Variants in MACF1 observed in about 807,000 individuals in gnomAD.
The protein encoded by MACF1 is microtubule-actin cross-linking factor 1.
A neutral mutation model predicts 854.8 loss-of-function variants in MACF1; 193 were observed. That is an observed-to-expected ratio of 0.23 (90% CI 0.20 to 0.25). The LOEUF (loss-of-function observed/expected upper bound fraction) is 0.25, where lower values mean the gene tolerates loss of function less well. Ranked by LOEUF, MACF1 falls within the 10% of genes least tolerant of loss-of-function variation. The probability of loss-of-function intolerance (pLI) is 1.00; values close to 1 mark genes in which losing one functional copy is unlikely to be tolerated. For missense variants in MACF1, 7,722 were observed against 8,929.1 expected (o/e 0.86, Z 5.45); for synonymous variants, 3,185 against 3,226.7 (o/e 0.99, Z 0.44).
intron 2 of MACF1, among the ~76,000 whole-genome samples, chr1:39,198,725 T>C (rs1429001709): frequency 6.6e-6 from 1 of 150,654 alleles, no homozygotes; most frequent in Non-Finnish European, 1.5e-5. Context: ...CTGGGGAGGC[T>C]GAGGCAGGAG....
At chr1:39,210,255 A>G (rs775320370) in intron 1 of MACF1, among the ~76,000 whole-genome samples, 2 of 152,208 alleles carry the variant, frequency 1.3e-5, no homozygotes, top group African/African-American at 4.8e-5. Flanking sequence ...AGTTAAGTGC[A>G]TAAAAGGAAC....
At chr1:39,355,526 G>A (rs1174238034) in intron 44 of MACF1, among the ~76,000 whole-genome samples, 2 of 136,606 alleles carry the variant, frequency 1.5e-5, no homozygotes, top group Non-Finnish European at 3.0e-5. Context: ...GAGTGCAGTG[G>A]CACAATCTCG....
chr1:39,459,062 T>C (rs1440353642), intron 90 of MACF1, 24 bp from the exon 91 acceptor site: 3 of 1,600,422 alleles, frequency 1.9e-6, no homozygotes, highest in African/African-American at 1.3e-5. Flanking sequence ...GCTGTTCTAA[T>C]CTTGTGATTA....
chr1:39,396,462 G>A (rs1029132698), intron 58 of MACF1, among the ~76,000 whole-genome samples: 1 of 152,138 alleles, frequency 6.6e-6, no homozygotes, highest in African/African-American at 2.4e-5. Flanking sequence ...TGTATAAGAA[G>A]GAAGAAATAT....
At chr1:39,215,810 TG>T (rs1379916405) in intron 1 of MACF1, among the ~76,000 whole-genome samples, 1 of 136,076 alleles carries the variant, frequency 7.3e-6, no homozygotes, top group African/African-American at 2.7e-5. Context: ...GGCGGGAGGA[TG>T]GGGGGTGGGA....
chr1:39,141,003 A>G (rs1428988039), intron 2 of MACF1, among the ~76,000 whole-genome samples: 1 of 151,244 alleles, frequency 6.6e-6, no homozygotes, highest in Non-Finnish European at 1.5e-5. Context: ...CTTAGAACCT[A>G]TCTCCATTTT....
chr1:39,147,625 T>C (rs987467806), intron 2 of MACF1, among the ~76,000 whole-genome samples: 9 of 152,010 alleles, frequency 5.9e-5, no homozygotes, highest in Admixed American at 5.9e-4. Flanking sequence ...GCTCAAGCTC[T>C]CCTCCTGCCT....
rs79338085 is a variant in MACF1 at position 39,392,591 on chromosome 1, A to T, written c.15816+3933A>T. ...AGAGGATATGAATCTGGGAGACGGA[A>T]ACTCTGCTTTAACCCAGCTAACTCC... On this transcript the variant is annotated intron_variant, in intron 58 of 100. Transcript: ENST00000564288. Among the ~76,000 whole-genome samples the T allele has an allele frequency of 3.6e-3, 542 of 152,290 alleles. 1 individual carries two copies. The highest frequency in any genetic ancestry group is 6.5e-3 in the Non-Finnish European group (441 of 68,026).
At chr1:39,182,623 A>G (rs1644119629) in intron 2 of MACF1, among the ~76,000 whole-genome samples, 1 of 152,210 alleles carries the variant, frequency 6.6e-6, no homozygotes, top group Non-Finnish European at 1.5e-5. Context: ...GCTTAACATC[A>G]TTAGTTATTA....
At chr1:39,177,465 A>G (rs1366869492) in intron 2 of MACF1, among the ~76,000 whole-genome samples, 1 of 152,128 alleles carries the variant, frequency 6.6e-6, no homozygotes, top group Non-Finnish European at 1.5e-5. Flanking sequence ...TTGATGCCTA[A>G]TGTACAAATA....
intron 89 of MACF1, among the ~76,000 whole-genome samples, chr1:39,455,513 T>C (rs2148686013): frequency 1.3e-5 from 2 of 152,332 alleles, no homozygotes; most frequent in South Asian, 4.1e-4. Flanking sequence ...CCGGAGAAAC[T>C]GTCCAAAGTG....
chr1:39,378,361 T>C, intron 52 of MACF1, 100 bp from the exon 53 acceptor site: 1 of 784,846 alleles, frequency 1.3e-6, no homozygotes, highest in Non-Finnish European at 2.3e-6. Context: ...AACTTCCTGA[T>C]ACCTAAGCTT....
At chr1:39,185,300 A>AG (rs1644153441) in intron 2 of MACF1, among the ~76,000 whole-genome samples, 1 of 151,752 alleles carries the variant, frequency 6.6e-6, no homozygotes, top group African/African-American at 2.4e-5. Flanking sequence ...TCAAAAAAAA[A>AG]AAAAACAAAA....
chr1:39,391,761 T>C (rs1228271413), intron 58 of MACF1, among the ~76,000 whole-genome samples: 2 of 152,264 alleles, frequency 1.3e-5, no homozygotes, highest in Admixed American at 1.3e-4. Flanking sequence ...TTATCTTATT[T>C]CTATCCTAGT....
At chr1:39,425,134 C>T (rs1233710534) in intron 61 of MACF1, among the ~76,000 whole-genome samples, 2 of 152,150 alleles carry the variant, frequency 1.3e-5, no homozygotes, top group Non-Finnish European at 2.9e-5. Context: ...AGGCTTAAAA[C>T]CTCGACTCCA....
In MACF1 at chr1:39,284,038, G is replaced by A. The variant is rs750428012; in HGVS notation, c.916-28G>A. The stretch of plus-strand genomic sequence containing the variant: ...GCTTGTTTTGGATATTGCTAATCAG[G>A]TGTGTGATGTTTACCTTCTGGCAAT... On this transcript the variant is annotated intron_variant, in intron 9 of 100. Coordinates refer to ENST00000564288, the MANE Select transcript of MACF1 (RefSeq NM_001394062.1). 4.3e-6 allele frequency: 7 copies of A among 1,611,478 alleles called. 1 individual carries two copies. Among genetic ancestry groups the A allele is most frequent in the South Asian group, 3.3e-5 (3 of 90,574 alleles).
At chr1:39,413,265 C>T (rs369155317) in intron 58 of MACF1, 292 of 1,608,414 alleles carry the variant, frequency 1.8e-4, no homozygotes, top group Non-Finnish European at 2.4e-4. Context: ...CAGAGGAGCC[C>T]GCCTCCCCAG....
At chr1:39,329,702 A>G (rs1005533285) in intron 36 of MACF1, among the ~76,000 whole-genome samples, 1 of 152,248 alleles carries the variant, frequency 6.6e-6, no homozygotes, top group African/African-American at 2.4e-5. Context: ...AGTAATAAAA[A>G]TGATGAAGTG....
In MACF1 at chr1:39,357,491, G is replaced by A. The variant is rs1301999057; in HGVS notation, c.11541G>A (p.Leu3847=). 6.2e-7 allele frequency: 1 copy of A among 1,614,160 alleles called. No individual in the cohort carries two copies. Among genetic ancestry groups the A allele is most frequent in the Admixed American group, 1.7e-5 (1 of 60,012 alleles). Residue 3847 remains leucine (L), a synonymous_variant, in exon 45 of 101, where the codon CTG becomes CTA. Coordinates refer to ENST00000564288, the MANE Select transcript of MACF1 (RefSeq NM_001394062.1). ...TCACACCTGAGGAGCAACAGATGCTGCAACAGAAGCTGGGAGAGCTAAAGG... is the reference window on the plus strand; with the variant it reads ...TCACACCTGAGGAGCAACAGATGCTACAACAGAAGCTGGGAGAGCTAAAGG... The part of the protein sequence containing the change: ...HNLTPEEQQM[L]QQKLGELKEQ...
Sources: gnomAD v4.1 joint callset for allele counts (sites outside exome capture counted in the v4.1 genomes callset) on GRCh38, gnomAD v4.1.1 for gene constraint, MANE v1.5 for transcripts, NCBI Gene and HGNC (gene_info 2026-07-23, HGNC 2026-07-21) for gene names.